Variants in TESK2 observed in about 807,000 individuals in gnomAD.
TESK2 encodes dual specificity testis-specific protein kinase 2.
A neutral mutation model predicts 57.1 loss-of-function variants in TESK2; 39 were observed. The observed-to-expected ratio is 0.68, with a 90% CI of 0.53 to 0.89. The LOEUF (loss-of-function observed/expected upper bound fraction) is 0.89. Among genes scored for constraint, TESK2 ranks in the 40% least tolerant of loss-of-function variants. The probability of loss-of-function intolerance (pLI) is 0.00; values close to 1 mark genes in which losing one functional copy is unlikely to be tolerated. For synonymous variants in TESK2, 249 were observed against 267.9 expected, an observed-to-expected ratio of 0.93 and a Z score of 0.69; for missense variants, 646 against 732.1, an observed-to-expected ratio of 0.88 and a Z score of 1.36.
intron 4 of TESK2, among the ~76,000 whole-genome samples, chr1:45,377,481 C>T (rs1386549460): frequency 6.1e-5 from 9 of 146,900 alleles, no homozygotes; most frequent in Admixed American, 2.0e-4. Context: ...TGCAGTGGTG[C>T]GATCCCGGCT....
At chr1:45,362,736 G>A (rs1287653188) in intron 4 of TESK2, among the ~76,000 whole-genome samples, 1 of 152,146 alleles carries the variant, frequency 6.6e-6, no homozygotes, top group Non-Finnish European at 1.5e-5. Context: ...TAGCAACATG[G>A]TACTGAGAAA....
At chr1:45,345,817 GC>G (rs1647135247) in intron 10 of TESK2, 59 bp downstream of exon 10, 1 of 1,347,250 alleles carries the variant, frequency 7.4e-7, no homozygotes, top group Admixed American at 1.7e-5. Flanking sequence ...AGAGGAGAAG[GC>G]CCCACATCCG....
intron 1 of TESK2, among the ~76,000 whole-genome samples, chr1:45,486,831 T>A (rs1653501924): frequency 1.7e-5 from 1 of 58,376 alleles, no homozygotes. Context: ...ATATACATTT[T>A]TTTTTTTTGA....
In TESK2 at chr1:45,343,902, A is replaced by ATT; in HGVS notation, c.*936_*937dup. On this transcript the variant is annotated 3_prime_UTR_variant, in exon 11 of 11. Coordinates refer to ENST00000372086, the MANE Select transcript of TESK2 (RefSeq NM_007170.3). The surrounding 1 kb of genome is among the most constrained non-coding windows in gnomAD (Gnocchi z 4.3). ...GACCAGCACCTGTAACACTGACTTT[A>ATT]TTTTTAAGTCTGAAAATGTCTTGGG... 2.1e-6 allele frequency: 1 copy of ATT among 481,264 alleles called. No homozygotes were observed. 29.8% of individuals were successfully genotyped at this position (481,264 alleles called of 1,614,324 possible). A position where few individuals can be genotyped will look rare whatever the true frequency, so the allele number is the denominator to read the frequency against.
chr1:45,349,539 T>G (rs996951120), intron 5 of TESK2, among the ~76,000 whole-genome samples: 2 of 152,240 alleles, frequency 1.3e-5, no homozygotes, highest in African/African-American at 4.8e-5. Flanking sequence ...AGAAGACTTT[T>G]GAGTGAGGTA....
In TESK2 at chr1:45,457,584, A is replaced by G; in HGVS notation, c.202T>C (p.Phe68Leu). ...DFTCEKIGSGFFSEVFKVRHR... is the reference protein window; with the variant it reads ...DFTCEKIGSGLFSEVFKVRHR... Reference sequence around the variant, plus strand: ...CTCACCTTGAACACTTCAGAAAAGAAGCCAGACCCTATTTTTTCACAGGTG... The same window carrying G: ...CTCACCTTGAACACTTCAGAAAAGAGGCCAGACCCTATTTTTTCACAGGTG... The change falls in exon 2 of 11, where the codon TTC becomes CTC. Residue 68 changes from phenylalanine (F) to leucine (L), a missense_variant. Coordinates refer to ENST00000372086, the MANE Select transcript of TESK2 (RefSeq NM_007170.3). The G allele has an allele frequency of 6.2e-7, 1 of 1,614,100 alleles. No individual in the cohort carries two copies. The highest frequency in any genetic ancestry group is 1.1e-5 in the South Asian group (1 of 91,064).
intron 3 of TESK2, among the ~76,000 whole-genome samples, chr1:45,398,483 G>C (rs1006290615): frequency 2.0e-5 from 3 of 151,964 alleles, no homozygotes; most frequent in Non-Finnish European, 4.4e-5. Flanking sequence ...GGAGGCAGAG[G>C]CTGCAGTGAG....
chr1:45,377,410 G>A (rs962083225), intron 4 of TESK2, among the ~76,000 whole-genome samples: 1 of 149,226 alleles, frequency 6.7e-6, no homozygotes, highest in Non-Finnish European at 1.5e-5. Flanking sequence ...ATTCTAATAA[G>A]AGAACAAGGA....
chr1:45,448,602 CT>C (rs1367058505), intron 2 of TESK2, among the ~76,000 whole-genome samples: 3 of 151,994 alleles, frequency 2.0e-5, no homozygotes. Context: ...GTCCCAGATT[CT>C]TTTAAACAGC....
intron 1 of TESK2, among the ~76,000 whole-genome samples, chr1:45,462,936 G>T (rs937535920): frequency 6.6e-6 from 1 of 152,164 alleles, no homozygotes; most frequent in East Asian, 1.9e-4. Flanking sequence ...CATTTTAAGG[G>T]TGAGATGATA....
intron 3 of TESK2, among the ~76,000 whole-genome samples, chr1:45,406,772 A>G (rs1351134217): frequency 6.6e-6 from 1 of 152,186 alleles, no homozygotes; most frequent in Non-Finnish European, 1.5e-5. Flanking sequence ...CTCCTTAAGT[A>G]ACTTAAGTTA....
At chr1:45,423,207 T>C (rs1241771292) in intron 2 of TESK2, among the ~76,000 whole-genome samples, 1 of 152,138 alleles carries the variant, frequency 6.6e-6, no homozygotes, top group Non-Finnish European at 1.5e-5. Flanking sequence ...TAACACTTAA[T>C]GAAACTGTCT....
Position 45,457,863 on chromosome 1 carries a change from G to T in TESK2, c.-78C>A. The T allele has an allele frequency of 7.8e-7, 1 of 1,289,898 alleles. No homozygotes were observed. The highest frequency in any genetic ancestry group is 1.1e-6 in the Non-Finnish European group (1 of 913,616). 79.9% of individuals were successfully genotyped at this position (1,289,898 alleles called of 1,614,324 possible). A position where few individuals can be genotyped will look rare whatever the true frequency, so the allele number is the denominator to read the frequency against. ...TTTTGTTGAATTTTACTTCTCTTCT[G>T]GTTTGACACTAAAGAGATCAAAAAA... On this transcript the variant is annotated 5_prime_UTR_variant, in exon 2 of 11. Transcript: ENST00000372086.
At chr1:45,413,783 G>C in intron 3 of TESK2, 1 of 455,426 alleles carries the variant, frequency 2.2e-6, no homozygotes. Context: ...AGGCACATCT[G>C]TGTAATCCTA....
At chr1:45,404,684 C>G (rs1649763290) in intron 3 of TESK2, among the ~76,000 whole-genome samples, 1 of 151,922 alleles carries the variant, frequency 6.6e-6, no homozygotes, top group Non-Finnish European at 1.5e-5. Flanking sequence ...GCTGGGATTA[C>G]AGGCATGCGC....
At chr1:45,480,742 C>T (rs1004526162) in intron 1 of TESK2, among the ~76,000 whole-genome samples, 1 of 151,652 alleles carries the variant, frequency 6.6e-6, no homozygotes, top group Non-Finnish European at 1.5e-5. Context: ...AATCCCAGCA[C>T]TTTGGGAGGC....
At chr1:45,455,720 C>T (rs1652061889) in intron 2 of TESK2, among the ~76,000 whole-genome samples, 1 of 152,012 alleles carries the variant, frequency 6.6e-6, no homozygotes, top group Non-Finnish European at 1.5e-5. Context: ...CTGAACTGTA[C>T]ACTTAAAAAA....
intron 3 of TESK2, among the ~76,000 whole-genome samples, chr1:45,400,752 T>C (rs1430484315): frequency 6.6e-6 from 1 of 152,152 alleles, no homozygotes; most frequent in Non-Finnish European, 1.5e-5. Context: ...CCAGGCATGG[T>C]GGCTCACACC....
At chr1:45,435,695 T>G (rs1005535086) in intron 2 of TESK2, among the ~76,000 whole-genome samples, 5 of 150,206 alleles carry the variant, frequency 3.3e-5, no homozygotes, top group Non-Finnish European at 3.0e-5. Flanking sequence ...AGTTTTGTAG[T>G]TTGGGGTTTT....
Sources: gnomAD v4.1 joint callset for allele counts (sites outside exome capture counted in the v4.1 genomes callset) on GRCh38, gnomAD v4.1.1 for gene constraint, Gnocchi (gnomAD v3.1) non-coding constraint, MANE v1.5 for transcripts, NCBI Gene and HGNC (gene_info 2026-07-23, HGNC 2026-07-21) for gene names.